CCDC198: variants seen among roughly 807,000 people sequenced by gnomAD.
CCDC198 encodes the protein factor associated with metabolism and energy.
Under a neutral mutation model 35.6 loss-of-function variants are expected in CCDC198, and 18 were observed. That is an observed-to-expected ratio of 0.51 (90% confidence interval 0.35 to 0.75). The LOEUF is 0.75. Among genes scored for constraint, CCDC198 ranks in the 30% least tolerant of loss-of-function variants. The probability of loss-of-function intolerance (pLI) is 0.01; values close to 1 mark genes in which losing one functional copy is unlikely to be tolerated. For synonymous variants in CCDC198, 119 were observed against 113.4 expected (o/e 1.05, Z -0.31); for missense variants, 365 against 343.7 (o/e 1.06, Z -0.49).
intron 2 of CCDC198, among the ~76,000 whole-genome samples, chr14:57,486,498 C>A (rs1371178923): frequency 6.6e-6 from 1 of 151,940 alleles, no homozygotes; most frequent in Non-Finnish European, 1.5e-5. Flanking sequence ...AAATTCTTGG[C>A]CCCTTCACTA....
chr14:57,476,353 T>C (rs1018201896), intron 5 of CCDC198, among the ~76,000 whole-genome samples: 1 of 152,188 alleles, frequency 6.6e-6, no homozygotes, highest in African/African-American at 2.4e-5. Context: ...AAAAGGTCCC[T>C]GCCTTCATGG....
At chr14:57,479,563 G>T (rs908159001) in intron 5 of CCDC198, among the ~76,000 whole-genome samples, 1 of 152,178 alleles carries the variant, frequency 6.6e-6, no homozygotes, top group African/African-American at 2.4e-5. Flanking sequence ...TAAAATGCAG[G>T]TTCTCATTCA....
intron 5 of CCDC198, chr14:57,480,341 C>A: frequency 1.0e-6 from 1 of 958,486 alleles, no homozygotes; most frequent in Non-Finnish European, 1.2e-6. Flanking sequence ...GCAAGACTTG[C>A]AATGAAGCAT....
intron 2 of CCDC198, among the ~76,000 whole-genome samples, chr14:57,484,435 ATCT>A (rs2067289901): frequency 6.6e-6 from 1 of 152,148 alleles, no homozygotes; most frequent in Admixed American, 6.5e-5. Flanking sequence ...CGTGGAACAG[ATCT>A]TCCTCACAGG....
chr14:57,493,219 A>T (rs895011974), intron 1 of CCDC198, among the ~76,000 whole-genome samples: 2 of 152,178 alleles, frequency 1.3e-5, no homozygotes, highest in East Asian at 3.9e-4. Context: ...CATTGAAAGC[A>T]TTACAAACTG....
intron 2 of CCDC198, among the ~76,000 whole-genome samples, chr14:57,486,357 C>T (rs747230094): frequency 6.6e-6 from 1 of 152,076 alleles, no homozygotes; most frequent in Non-Finnish European, 1.5e-5. Context: ...CAAGGTTGAA[C>T]AGCTAGAAAG....
At chr14:57,481,509 G>T in intron 4 of CCDC198, 50 bp downstream of exon 4, 3 of 1,242,028 alleles carry the variant, frequency 2.4e-6, no homozygotes, top group Non-Finnish European at 2.4e-6. Flanking sequence ...TGGCAGGGCA[G>T]TGATTATGTG....
At chr14:57,490,818 A>G in intron 2 of CCDC198, 171 bp downstream of exon 2, 1 of 655,060 alleles carries the variant, frequency 1.5e-6, no homozygotes, top group Non-Finnish European at 2.5e-6. Context: ...TCATTGCTAA[A>G]GGAAATCTTA....
chr14:57,476,801 C>A (rs551851135), intron 5 of CCDC198, among the ~76,000 whole-genome samples: 1 of 152,298 alleles, frequency 6.6e-6, no homozygotes, highest in East Asian at 1.9e-4. Context: ...AATGACCAGA[C>A]CCTGATAGTA....
rs2066804394 is a variant in CCDC198, at chr14:57,471,046, C to T, written c.*309G>A. 1 of 269,860 alleles carries T rather than the reference C, an allele frequency of 3.7e-6. No homozygotes were observed. The highest frequency in any genetic ancestry group is 4.8e-5 in the South Asian group (1 of 20,730). 16.7% of individuals were successfully genotyped at this position (269,860 alleles called of 1,614,324 possible). ...CAGTCTTAGTAGTCCAAATGTAGTC[C>T]AATTTCAATGACATGAAAGATTTCA... On this transcript the variant is annotated 3_prime_UTR_variant, in exon 6 of 6. Coordinates refer to ENST00000216445, the MANE Select transcript of CCDC198 (RefSeq NM_018168.4).
At chr14:57,487,108 C>T (rs1474256166) in intron 2 of CCDC198, among the ~76,000 whole-genome samples, 1 of 152,142 alleles carries the variant, frequency 6.6e-6, no homozygotes, top group South Asian at 2.1e-4. Flanking sequence ...GTGCATGTTC[C>T]TTTTCCCTGC....
At chr14:57,490,140 G>A (rs1165849437) in intron 2 of CCDC198, among the ~76,000 whole-genome samples, 1 of 152,072 alleles carries the variant, frequency 6.6e-6, no homozygotes, top group Non-Finnish European at 1.5e-5. Flanking sequence ...CCTGGGATTG[G>A]TCCAGGCATC....
chr14:57,487,091 G>A (rs2067386794), intron 2 of CCDC198, among the ~76,000 whole-genome samples: 2 of 152,110 alleles, frequency 1.3e-5, no homozygotes, highest in Admixed American at 1.3e-4. Context: ...CAGAATTCTG[G>A]GTTTGTGTGC....
chr14:57,480,580 T>A lies in CCDC198; in HGVS notation c.655+15A>T, dbSNP rs200906410. 1.4e-4 allele frequency: 227 copies of A among 1,607,714 alleles called. No individual in the cohort carries two copies. Among genetic ancestry groups the A allele is most frequent in the Middle Eastern group, 3.3e-4 (2 of 6,024 alleles). On this transcript the variant is annotated intron_variant, in intron 5 of 5. Coordinates refer to ENST00000216445, the MANE Select transcript of CCDC198 (RefSeq NM_018168.4). ...ACACTTGAAATGTTTTACTAAAAAA[T>A]TGTACATGACTCACCGGGACCTCTG...
intron 2 of CCDC198, among the ~76,000 whole-genome samples, chr14:57,486,051 G>A (rs1288264274): frequency 6.6e-6 from 1 of 152,074 alleles, no homozygotes; most frequent in African/African-American, 2.4e-5. Context: ...AAAAGGGGAA[G>A]GAGAAGAAGG....
chr14:57,471,596 A>T lies in CCDC198; in HGVS notation c.656-6T>A. On this transcript the variant is annotated splice_region_variant and splice_polypyrimidine_tract_variant and intron_variant, in intron 5 of 5. Transcript: ENST00000216445. ...TTCTGTATTCTTTGAATTTCCTACA[A>T]AAAAATTAAGTTTCTTTAATTTTTT... The T allele has an allele frequency of 6.6e-7, 1 of 1,504,150 alleles. No homozygotes were observed. Among genetic ancestry groups the T allele is most frequent in the Non-Finnish European group, 9.0e-7 (1 of 1,105,874 alleles). 93.2% of individuals were successfully genotyped at this position (1,504,150 alleles called of 1,614,324 possible). A position where few individuals can be genotyped will look rare whatever the true frequency, so the allele number is the denominator to read the frequency against.
chr14:57,490,861 T>A, intron 2 of CCDC198, 128 bp downstream of exon 2: 1 of 921,318 alleles, frequency 1.1e-6, no homozygotes, highest in African/African-American at 1.6e-5. Context: ...GATGACATTT[T>A]TCTTTAAGAA....
chr14:57,490,039 C>A (rs2067507506), intron 2 of CCDC198, among the ~76,000 whole-genome samples: 1 of 152,068 alleles, frequency 6.6e-6, no homozygotes. Flanking sequence ...GATACAATCA[C>A]TTCAAATAAT....
chr14:57,491,821 G>A (rs890223118), intron 1 of CCDC198, among the ~76,000 whole-genome samples: 2 of 152,012 alleles, frequency 1.3e-5, no homozygotes, highest in Non-Finnish European at 2.9e-5. Context: ...CTGACTTCTA[G>A]ATTGTTTCAT....
Sources: allele counts gnomAD v4.1 joint callset (sites outside exome capture counted in the v4.1 genomes callset), GRCh38; gene constraint gnomAD v4.1.1; transcripts MANE v1.5; gene names NCBI Gene and HGNC (gene_info 2026-07-23, HGNC 2026-07-21).